The following NALF1 variants were observed in gnomAD, a reference collection of about 807,000 sequenced individuals.
NALF1 encodes the protein NALCN channel auxiliary factor 1.
A neutral mutation model predicts 48.4 loss-of-function variants in NALF1; 3 were observed. The observed-to-expected ratio is 0.06, with a 90% CI of 0.03 to 0.16. The LOEUF is 0.16. Ranked by LOEUF, NALF1 falls within the 10% of genes least tolerant of loss-of-function variation. The probability of loss-of-function intolerance (pLI) is 1.00; values close to 1 mark genes in which losing one functional copy is unlikely to be tolerated. For missense variants in NALF1, 526 were observed against 571.5 expected (o/e 0.92, Z 0.81); for synonymous variants, 262 against 245.7 (o/e 1.07, Z -0.62).
chr13:107,770,064 C>T lies in NALF1; in HGVS notation c.915+95618G>A, dbSNP rs185142894. On this transcript the variant is annotated intron_variant, in intron 1 of 2. Coordinates refer to ENST00000375915, the MANE Select transcript of NALF1 (RefSeq NM_001080396.3). ...AGTAGCTGGGACTACAGGCACCCGC[C>T]ACCACGCCCGGCTAATTTTTTGTAT... 9.8e-3 allele frequency among the ~76,000 whole-genome samples: 1,486 copies of T among 152,246 alleles called. 29 individuals are homozygous for T. The highest frequency in any genetic ancestry group is 0.034 in the African/African-American group (1,415 of 41,526).
At position 107,164,010 on chromosome 13, in the gene NALF1, A is replaced by G. The variant is rs1878610224; in HGVS notation, c.*6487T>C. ...ATTTTGCAGTGAAATGGTCAGTAGA[A>G]AATGGCCATAAGTTGAAATTTGCGT... On this transcript the variant is annotated 3_prime_UTR_variant, in exon 3 of 3. Coordinates refer to ENST00000375915, the MANE Select transcript of NALF1 (RefSeq NM_001080396.3). 1 of 152,214 alleles carries G rather than the reference A, an allele frequency of 6.6e-6. No individual in the cohort carries two copies. Among genetic ancestry groups the G allele is most frequent in the Non-Finnish European group, 1.5e-5 (1 of 68,040 alleles). 9.4% of individuals were successfully genotyped at this position (152,214 alleles called of 1,614,324 possible). A position where few individuals can be genotyped will look rare whatever the true frequency, so the allele number is the denominator to read the frequency against.
chr13:107,248,157 A>G (rs926357770), intron 1 of NALF1, among the ~76,000 whole-genome samples: 15 of 152,122 alleles, frequency 9.9e-5, no homozygotes, highest in Non-Finnish European at 1.9e-4. Flanking sequence ...GGCAAAGAAA[A>G]AAGAGGACAA....
intron 1 of NALF1, among the ~76,000 whole-genome samples, chr13:107,689,020 C>T (rs1881506223): frequency 6.6e-6 from 1 of 152,192 alleles, no homozygotes; most frequent in Non-Finnish European, 1.5e-5. Flanking sequence ...GACCCAGCTC[C>T]AGGAGTTTAG....
chr13:107,484,429 T>TTGGGG (rs1885297449), intron 1 of NALF1, among the ~76,000 whole-genome samples: 1 of 152,174 alleles, frequency 6.6e-6, no homozygotes, highest in Non-Finnish European at 1.5e-5. Flanking sequence ...CCCATAAGGC[T>TTGGGG]TTGACAAGGA....
At chr13:107,223,333 A>G (rs145615357) in intron 1 of NALF1, among the ~76,000 whole-genome samples, 378 of 152,016 alleles carry the variant, frequency 2.5e-3, no homozygotes, top group Admixed American at 8.3e-3. Flanking sequence ...AACAGTGTTA[A>G]TAACTCATTT....
At chr13:107,329,947 T>C (rs1882437550) in intron 1 of NALF1, among the ~76,000 whole-genome samples, 1 of 152,150 alleles carries the variant, frequency 6.6e-6, no homozygotes, top group African/African-American at 2.4e-5. Context: ...CCTCCCTGCT[T>C]TCATTTCAGG....
chr13:107,288,822 C>G (rs922991260), intron 1 of NALF1, among the ~76,000 whole-genome samples: 2 of 152,044 alleles, frequency 1.3e-5, no homozygotes, highest in African/African-American at 4.8e-5. Flanking sequence ...TGGGAGCCAC[C>G]GCGCCCAGCC....
intron 1 of NALF1, among the ~76,000 whole-genome samples, chr13:107,230,836 G>C (rs540192665): frequency 5.2e-4 from 79 of 152,020 alleles, no homozygotes; most frequent in African/African-American, 1.8e-3. Flanking sequence ...AAGGTGGGAG[G>C]GTCACTTGAG....
intron 1 of NALF1, among the ~76,000 whole-genome samples, chr13:107,812,338 C>A (rs986066219): frequency 2.0e-5 from 3 of 152,024 alleles, no homozygotes; most frequent in African/African-American, 7.2e-5. Flanking sequence ...TATTTGTTAA[C>A]TAATCAAAAT....
Position 107,761,986 on chromosome 13 carries a change from A to C in NALF1, c.915+103696T>G, listed in dbSNP as rs570175095. ...AATGTCAGTGATGGCTGCTACTAGCACTGCTATTATTGCTGTAATAAATAT... is the reference window on the plus strand; with the variant it reads ...AATGTCAGTGATGGCTGCTACTAGCCCTGCTATTATTGCTGTAATAAATAT... On this transcript the variant is annotated intron_variant, in intron 1 of 2. Transcript: ENST00000375915. Among the ~76,000 whole-genome samples the C allele has an allele frequency of 8.8e-4, 134 of 152,366 alleles. 1 individual carries two copies. The highest frequency in any genetic ancestry group is 3.1e-3 in the African/African-American group (127 of 41,586).
intron 1 of NALF1, among the ~76,000 whole-genome samples, chr13:107,673,180 T>C (rs1881031961): frequency 6.6e-6 from 1 of 152,206 alleles, no homozygotes; most frequent in Admixed American, 6.5e-5. Flanking sequence ...TTACTATGAC[T>C]CCTTTTCCTT....
At chr13:107,549,393 A>T (rs1478060163) in intron 1 of NALF1, among the ~76,000 whole-genome samples, 1 of 152,172 alleles carries the variant, frequency 6.6e-6, no homozygotes, top group Non-Finnish European at 1.5e-5. Context: ...AGAGTCTCTA[A>T]GAACATAAAC....
intron 1 of NALF1, among the ~76,000 whole-genome samples, chr13:107,594,397 T>A (rs1878686107): frequency 6.6e-6 from 1 of 152,052 alleles, no homozygotes. Context: ...GTTTGCACAA[T>A]CAATATTACC....
intron 2 of NALF1, among the ~76,000 whole-genome samples, chr13:107,173,653 G>A (rs2769912): frequency 0.68 from 103,957 of 152,058 alleles, 36,140 homozygotes; most frequent in African/African-American, 0.81. Context: ...CCTGTGCCTC[G>A]TCCCCTTCTT....
chr13:107,854,319 C>CT (rs1283233645), intron 1 of NALF1, among the ~76,000 whole-genome samples: 7 of 152,328 alleles, frequency 4.6e-5, no homozygotes, highest in African/African-American at 1.4e-4. Context: ...TGTGGCCTCT[C>CT]TTTTTTCTCG....
chr13:107,762,020 C>A (rs1272951111), intron 1 of NALF1, among the ~76,000 whole-genome samples: 1 of 152,084 alleles, frequency 6.6e-6, no homozygotes, highest in Non-Finnish European at 1.5e-5. Context: ...ATTTTTATTG[C>A]CATCATCATT....
At position 107,431,892 on chromosome 13, in the gene NALF1, C is replaced by T. The variant is rs1266367605; in HGVS notation, c.916-221137G>A. 4.6e-5 allele frequency among the ~76,000 whole-genome samples: 7 copies of T among 152,212 alleles called. No individual in the cohort carries two copies. The East Asian group carries it at 9.6e-4, about 21-fold the overall frequency. ...ATCAGTCCTTGGAGAAACCAAAAAA[C>T]GTTGCTAAAATTAGTTTTGATGTCC... On this transcript the variant is annotated intron_variant, in intron 1 of 2. Coordinates refer to ENST00000375915, the MANE Select transcript of NALF1 (RefSeq NM_001080396.3).
At position 107,474,337 on chromosome 13, in the gene NALF1, C is replaced by A. The variant is rs1272205200; in HGVS notation, c.916-263582G>T. 1.3e-5 allele frequency among the ~76,000 whole-genome samples: 2 copies of A among 152,222 alleles called. 1 individual carries two copies. On this transcript the variant is annotated intron_variant, in intron 1 of 2. Coordinates refer to ENST00000375915, the MANE Select transcript of NALF1 (RefSeq NM_001080396.3). ...ATAGAACTATATTTCATACTATCAT[C>A]CAGAAACTGTACTTTTAAGAATTGT... is the stretch of plus-strand genomic sequence containing the variant.
chr13:107,609,763 T>C (rs59292284), intron 1 of NALF1, among the ~76,000 whole-genome samples: 3,238 of 152,306 alleles, frequency 0.021, 125 homozygotes, highest in African/African-American at 0.074. Flanking sequence ...AAGAATATCA[T>C]AGATTCAAAA....
Sources: gnomAD v4.1 joint callset for allele counts (sites outside exome capture counted in the v4.1 genomes callset) on GRCh38, gnomAD v4.1.1 for gene constraint, MANE v1.5 for transcripts, NCBI Gene and HGNC (gene_info 2026-07-23, HGNC 2026-07-21) for gene names.